MED16: variants seen among roughly 807,000 people sequenced by gnomAD.
MED16 encodes mediator complex subunit 16.
In MED16, 81 loss-of-function variants were observed where a neutral mutation model predicts 84.4. That is an observed-to-expected ratio of 0.96 (90% CI 0.80 to 1.15). MED16 has a LOEUF of 1.15. Among genes scored for constraint, MED16 ranks in the 50% most tolerant of loss-of-function variants. The pLI, the probability that MED16 is intolerant of heterozygous loss-of-function variation, is 0.00. For synonymous variants in MED16, 897 were observed against 552.2 expected (o/e 1.62, Z -8.76); for missense variants, 1,585 against 1,245.9 (o/e 1.27, Z -4.10).
At chr19:876,217 C>T (rs773488881) in intron 9 of MED16, among the ~76,000 whole-genome samples, 7 of 152,138 alleles carry the variant, frequency 4.6e-5, no homozygotes, top group African/African-American at 7.2e-5. Context: ...GCTGGTCCCA[C>T]GTGCAGCTGC....
rs1183598721 is a variant in MED16 at position 890,977 on chromosome 19, C to A, written c.155G>T (p.Arg52Leu). The A allele has an allele frequency of 1.2e-5, 19 of 1,613,632 alleles. No individual in the cohort carries two copies. Among genetic ancestry groups the A allele is most frequent in the Non-Finnish European group, 1.6e-5 (19 of 1,179,888 alleles). ...GGGGGACGCACCCTGGTCATCGCTG[C>A]GCAGGTCCATGGTGAAGGCGATGAG... ...RNLIAFTMDL[R>L]SDDQDLTRMI... Residue 52 changes from arginine to leucine, a missense_variant, in exon 2 of 16, where the codon CGC becomes CTC. Physicochemically the swap from Arg to Leu is moderately radical, Grantham distance 102. Coordinates refer to ENST00000325464, the MANE Select transcript of MED16 (RefSeq NM_005481.3).
At chr19:884,309 A>G (rs934748143) in intron 6 of MED16, among the ~76,000 whole-genome samples, 13 of 151,832 alleles carry the variant, frequency 8.6e-5, no homozygotes, top group African/African-American at 3.1e-4. Flanking sequence ...CTCCAGCCCC[A>G]GGATTTTGTG....
intron 8 of MED16, among the ~76,000 whole-genome samples, chr19:877,734 G>A (rs186907274): frequency 5.3e-5 from 6 of 112,180 alleles, no homozygotes; most frequent in Non-Finnish European, 5.6e-5. Context: ...ACGTGCCCCA[G>A]CAGCTCACCT....
intron 1 of MED16, chr19:892,678 C>G (rs112552099): frequency 0.043 from 2,597 of 60,324 alleles, 72 homozygotes; most frequent in African/African-American, 0.11. Flanking sequence ...GCACCGATAA[C>G]CCCGCAGTCT....
At chr19:876,878 G>GACCACCT in intron 9 of MED16, 96 bp downstream of exon 9, 1 of 1,289,304 alleles carries the variant, frequency 7.8e-7, no homozygotes, top group Non-Finnish European at 1.0e-6. Context: ...CCTGCCACGG[G>GACCACCT]GCCCCCACCT....
intron 9 of MED16, among the ~76,000 whole-genome samples, chr19:875,867 C>T (rs1300108649): frequency 6.6e-6 from 1 of 152,170 alleles, no homozygotes; most frequent in African/African-American, 2.4e-5. Flanking sequence ...TGAGCTGAAG[C>T]ATTTTGGGAG....
chr19:890,506 G>A (rs1463741337), intron 2 of MED16: 1 of 417,836 alleles, frequency 2.4e-6, no homozygotes, highest in Non-Finnish European at 4.3e-6. Context: ...CCTCTCCACA[G>A]CAGATAATAG....
intron 10 of MED16, among the ~76,000 whole-genome samples, chr19:873,816 G>A (rs1209294732): frequency 6.6e-6 from 1 of 152,132 alleles, no homozygotes; most frequent in African/African-American, 2.4e-5. Flanking sequence ...GCTTCTCTCG[G>A]CCTGCAGGCC....
intron 14 of MED16, 23 bp from the exon 15 acceptor site, chr19:868,522 C>T (rs202162390): frequency 1.2e-5 from 19 of 1,605,850 alleles, no homozygotes; most frequent in Non-Finnish European, 1.5e-5. Flanking sequence ...AGGCACTGAG[C>T]GGGTTCCCAC....
At position 879,990 on chromosome 19, in the gene MED16, T is replaced by G; in HGVS notation, c.1300A>C (p.Met434Leu). 1.2e-6 allele frequency: 2 copies of G among 1,609,426 alleles called. No individual in the cohort carries two copies. The highest frequency in any genetic ancestry group is 1.7e-6 in the Non-Finnish European group (2 of 1,178,408). Residue 434 changes from methionine to leucine, a missense_variant, in exon 8 of 16, where the codon ATG becomes CTG. Physicochemically the swap from Met to Leu is conservative, Grantham distance 15 (BLOSUM62 2). Transcript: ENST00000325464. The part of the protein sequence containing the change: ...TAGPAVHLKA[M>L]QLSWTSLALV... ...GCCAGTGACGTCCACGATAGCTGCATAGCCTTTAAGTGGACGGCGGGGCCC... is the reference window on the plus strand; with the variant it reads ...GCCAGTGACGTCCACGATAGCTGCAGAGCCTTTAAGTGGACGGCGGGGCCC...
chr19:884,841 A>G, intron 6 of MED16, 62 bp downstream of exon 6: 1 of 1,387,844 alleles, frequency 7.2e-7, no homozygotes, highest in East Asian at 2.5e-5. Context: ...CCTGCCTCCA[A>G]AATAAAAACC....
At chr19:875,873 G>GGGAGGC (rs1162622757) in intron 9 of MED16, among the ~76,000 whole-genome samples, 3 of 152,182 alleles carry the variant, frequency 2.0e-5, no homozygotes, top group Non-Finnish European at 4.4e-5. Flanking sequence ...GAAGCATTTT[G>GGGAGGC]GGAGGCTGAG....
At chr19:879,116 A>C (rs1439096722) in intron 8 of MED16, among the ~76,000 whole-genome samples, 1 of 71,294 alleles carries the variant, frequency 1.4e-5, no homozygotes, top group African/African-American at 5.7e-5. Context: ...CCTGGTTGTC[A>C]ATACCCCCCA....
At position 871,984 on chromosome 19, in the gene MED16, C is replaced by A. The variant is rs181993400; in HGVS notation, c.2040G>T (p.Ser680=). 1 of 1,607,678 alleles carries A rather than the reference C, an allele frequency of 6.2e-7. No individual in the cohort carries two copies. Residue 680 remains serine (S), a synonymous_variant, in exon 12 of 16, where the codon TCG becomes TCT. Transcript: ENST00000325464. The stretch of plus-strand genomic sequence containing the variant: ...GCAGGGACATGCTGTCCTGGGTATC[C>A]GAGGTGGCCGTATACACGGGCAGGC... The part of the protein sequence containing the change: ...PSCLPVYTAT[S]DTQDSMSLLF...
chr19:892,918 CCCCGCGCCCCGCGCCCCGCG>C (rs1555719531), intron 1 of MED16, 148 bp downstream of exon 1: 3 of 150,934 alleles, frequency 2.0e-5, no homozygotes, highest in Admixed American at 6.6e-5. Flanking sequence ...GCGCCCCGCG[CCCCGCGCCCCGCGCCCCGCG>C]CCCCAGGCCG....
At position 868,156 on chromosome 19, in the gene MED16, T is replaced by C; in HGVS notation, c.2579A>G (p.His860Arg). The part of the protein sequence containing the change: ...FVQLGPQSTH[H>R]SPRTPRSLDH... The stretch of plus-strand genomic sequence containing the variant: ...CAGGGATCTGGGGGTCCTGGGAGAG[T>C]GGTGTGTGGACTGCGGGCCCAGCTG... The change falls in exon 16 of 16, where the codon CAC becomes CGC. Residue 860 changes from histidine (H) to arginine (R), a missense_variant. Physicochemically the swap from His to Arg is conservative, Grantham distance 29. Transcript: ENST00000325464. 1 of 1,610,776 alleles carries C rather than the reference T, an allele frequency of 6.2e-7. No homozygotes were observed. Among genetic ancestry groups the C allele is most frequent in the Non-Finnish European group, 8.5e-7 (1 of 1,179,292 alleles).
Position 885,825 on chromosome 19 carries a change from T to C in MED16, c.824A>G (p.Asp275Gly). Residue 275 changes from aspartate to glycine, a missense_variant, in exon 5 of 16, where the codon GAC becomes GGC. Transcript: ENST00000325464. ...GAGGTGGGTGATGGCGGGAAACTTG[T>C]CCTTGCGGTTGAGGTCGGTGGTGCA... ...MRCTTDLNRK[D>G]KFPAITHLKF... 6.2e-7 allele frequency: 1 copy of C among 1,613,494 alleles called. No homozygotes were observed. Among genetic ancestry groups the C allele is most frequent in the Non-Finnish European group, 8.5e-7 (1 of 1,179,962 alleles).
chr19:871,683 A>G (rs372262696), intron 12 of MED16: 62 of 1,513,872 alleles, frequency 4.1e-5, no homozygotes, highest in Admixed American at 1.2e-4. Flanking sequence ...AGCAGATATC[A>G]AGGCAGAGCC....
At position 880,164 on chromosome 19, in the gene MED16, A is replaced by G. The variant is rs1305324017; in HGVS notation, c.1142-16T>C. 3.1e-6 allele frequency: 5 copies of G among 1,601,034 alleles called. No homozygotes were observed. In the Admixed American group the frequency reaches 5.1e-5, roughly 16 times the overall value. On this transcript the variant is annotated splice_polypyrimidine_tract_variant and intron_variant, in intron 7 of 15. Coordinates refer to ENST00000325464, the MANE Select transcript of MED16 (RefSeq NM_005481.3). Reference sequence around the variant, plus strand: ...AGGGCCAGCCCTGTGGGGCACAGGCACTGCTTAGACATGGGCAGGGCCCAG... The same window carrying G: ...AGGGCCAGCCCTGTGGGGCACAGGCGCTGCTTAGACATGGGCAGGGCCCAG...
Sources: allele counts gnomAD v4.1 joint callset (sites outside exome capture counted in the v4.1 genomes callset), GRCh38; gene constraint gnomAD v4.1.1; transcripts MANE v1.5; gene names NCBI Gene and HGNC (gene_info 2026-07-23, HGNC 2026-07-21).